Variants in L3HYPDH observed in about 807,000 individuals in gnomAD.
L3HYPDH encodes trans-L-3-hydroxyproline dehydratase.
A neutral mutation model predicts 26.5 loss-of-function variants in L3HYPDH; 32 were observed. The ratio of observed to expected loss-of-function variants is 1.21; its 90% CI spans 0.91 to 1.62. The LOEUF (loss-of-function observed/expected upper bound fraction) is 1.62. L3HYPDH is among the 40% of genes most tolerant of loss of function. The pLI, the probability that L3HYPDH is intolerant of heterozygous loss-of-function variation, is 0.00. For synonymous variants in L3HYPDH, 215 were observed against 196.6 expected (o/e 1.09, Z -0.78); for missense variants, 554 against 476.4 (o/e 1.16, Z -1.52).
At position 59,484,072 on chromosome 14, in the gene L3HYPDH, G is replaced by T; in HGVS notation, c.245C>A (p.Pro82Gln). ...HRDMYGAVLV[P>Q]SELPDAHLGV... ...CAGATGCGCGTCCGGCAGCTCGCTC[G>T]GGACTAGGACCGCCCCGTACATGTC... is the stretch of plus-strand genomic sequence containing the variant. The change falls in exon 1 of 5, where the codon CCG (proline) becomes CAG (glutamine). Residue 82 changes from proline to glutamine, a missense_variant. Physicochemically the swap from Pro to Gln is moderately conservative, Grantham distance 76 (BLOSUM62 -1). Transcript: ENST00000247194. 2 of 1,607,044 alleles carry T rather than the reference G, an allele frequency of 1.2e-6. No individual in the cohort carries two copies.
chr14:59,503,845 A>C, the L3HYPDH span: 19 of 1,582,654 alleles, frequency 1.2e-5, no homozygotes, highest in African/African-American at 2.4e-4. Flanking sequence ...CTTTTACAAA[A>C]TTATATAGAA....
chr14:59,487,916 C>A, upstream of L3HYPDH: 1 of 1,237,118 alleles, frequency 8.1e-7, no homozygotes, highest in Non-Finnish European at 1.2e-6. Flanking sequence ...TATGCTTCTT[C>A]TGTTTTAAAA....
the L3HYPDH span, chr14:59,501,093 G>T: frequency 1.3e-6 from 1 of 759,444 alleles, no homozygotes. Flanking sequence ...GGTTGAGAAA[G>T]GATTTGACTC....
intron 1 of L3HYPDH, among the ~76,000 whole-genome samples, chr14:59,466,873 C>T (rs1889197939): frequency 6.6e-6 from 1 of 152,158 alleles, no homozygotes; most frequent in Admixed American, 6.5e-5. Context: ...CCAGTAGCAC[C>T]TCTCCCAGCT....
At chr14:59,490,711 A>C in the L3HYPDH span, among the ~76,000 whole-genome samples, 1 of 152,252 alleles carries the variant, frequency 6.6e-6, no homozygotes, top group Non-Finnish European at 1.5e-5. Flanking sequence ...TACTTTAAAA[A>C]TAGCAGCTTT....
In L3HYPDH at chr14:59,475,973, C is replaced by G; in HGVS notation, c.835G>C (p.Ala279Pro). 1 of 1,613,968 alleles carries G rather than the reference C, an allele frequency of 6.2e-7. No homozygotes were observed. Among genetic ancestry groups the G allele is most frequent in the Non-Finnish European group, 8.5e-7 (1 of 1,179,890 alleles). The change falls in exon 4 of 5, where the codon GCC becomes CCC. Residue 279 changes from alanine to proline, a missense_variant. By Grantham distance (27) the Ala-to-Pro change is conservative. Transcript: ENST00000247194. ...TTGTGATACTGTAAGGCAATTCGGG[C>G]TGTCACTCCTGAGCCAGTGGGACTT... ...DRSPTGSGVT[A>P]RIALQYHKGL... is the part of the protein sequence containing the mutation.
downstream of L3HYPDH, chr14:59,472,569 CAAA>C (rs763750723): frequency 1.3e-4 from 21 of 156,798 alleles, 2 homozygotes; most frequent in Admixed American, 8.5e-4. Context: ...TTATTCTACT[CAAA>C]AAAATGGAAG....
In L3HYPDH at chr14:59,476,080, C is replaced by T; in HGVS notation, c.801+12G>A. 1 of 1,613,726 alleles carries T rather than the reference C, an allele frequency of 6.2e-7. No homozygotes were observed. Among genetic ancestry groups the T allele is most frequent in the Non-Finnish European group, 8.5e-7 (1 of 1,179,838 alleles). On this transcript the variant is annotated intron_variant, in intron 3 of 4. Coordinates refer to ENST00000247194, the MANE Select transcript of L3HYPDH (RefSeq NM_144581.2). ...ACCTGGCTTTTGTCCCTAAACATTA[C>T]AGTTTTAATACCTGTTCATCTGCAA...
rs754910727 is a variant in L3HYPDH at position 59,484,133 on chromosome 14, G to A, written c.184C>T (p.Arg62Trp). ...RYMRQHLDHV[R>W]RRLMFEPRGH... is the part of the protein sequence containing the mutation. ...CGGGGCTCGAACATGAGCCGTCGCC[G>A]CACGTGGTCAAGGTGCTGGCGCATG... is the stretch of plus-strand genomic sequence containing the variant. Residue 62 changes from arginine (R) to tryptophan (W), a missense_variant, in exon 1 of 5, where the codon CGG becomes TGG. Transcript: ENST00000247194. The A allele has an allele frequency of 1.4e-5, 22 of 1,601,960 alleles. No individual in the cohort carries two copies. Among genetic ancestry groups the A allele is most frequent in the Non-Finnish European group, 1.8e-5 (21 of 1,178,914 alleles).
At chr14:59,495,303 GA>G in the L3HYPDH span, 1 of 1,097,796 alleles carries the variant, frequency 9.1e-7, no homozygotes, top group African/African-American at 1.6e-5. Flanking sequence ...GGCGTTTGGA[GA>G]CAAAAACAGG....
chr14:59,498,814 G>T, the L3HYPDH span: 1 of 1,611,572 alleles, frequency 6.2e-7, no homozygotes, highest in East Asian at 2.2e-5. Context: ...TTGCATGTGG[G>T]TTAGGGAAAT....
At chr14:59,504,277 G>T in the L3HYPDH span, 1 of 549,444 alleles carries the variant, frequency 1.8e-6, no homozygotes, top group South Asian at 2.5e-5. Context: ...GTTACACAGG[G>T]TAATATTATC....
upstream of L3HYPDH, chr14:59,484,663 G>C (rs1890370225): frequency 6.5e-7 from 1 of 1,535,250 alleles, no homozygotes; most frequent in South Asian, 1.2e-5. Flanking sequence ...GGCTGGCCTC[G>C]GGCTCGGCTC....
At chr14:59,471,185 G>C (rs1002817873), downstream of L3HYPDH, among the ~76,000 whole-genome samples, 3 of 152,182 alleles carry the variant, frequency 2.0e-5, no homozygotes, top group Non-Finnish European at 2.9e-5. Flanking sequence ...GAACACTATT[G>C]CAAGAGTTCA....
chr14:59,483,923 G>C lies in L3HYPDH; in HGVS notation c.394C>G (p.Arg132Gly). 1.9e-6 allele frequency: 3 copies of C among 1,554,396 alleles called. No homozygotes were observed. Among genetic ancestry groups the C allele is most frequent in the Non-Finnish European group, 2.6e-6 (3 of 1,155,670 alleles). Residue 132 changes from arginine (R) to glycine (G), a missense_variant, in exon 1 of 5, where the codon CGC becomes GGC. Transcript: ENST00000247194. ...PAPPAGTREA[R>G]VNIHCPCGLV... ...CCGCAGGGGCAGTGGATATTGACGCGGGCCTCGCGGGTGCCCGCAGGGGGC... is the reference window on the plus strand; with the variant it reads ...CCGCAGGGGCAGTGGATATTGACGCCGGCCTCGCGGGTGCCCGCAGGGGGC...
At chr14:59,486,815 T>C (rs373841828), upstream of L3HYPDH, 22 of 1,444,382 alleles carry the variant, frequency 1.5e-5, no homozygotes, top group Admixed American at 2.1e-5. Context: ...GTAAGTCTTA[T>C]GTTTGTATCT....
upstream of L3HYPDH, chr14:59,484,493 G>T: frequency 6.7e-7 from 1 of 1,484,000 alleles, no homozygotes; most frequent in South Asian, 1.2e-5. Context: ...CGGGTTACCG[G>T]GAGGCGGAGC....
the L3HYPDH span, among the ~76,000 whole-genome samples, chr14:59,501,698 A>G: frequency 1.3e-5 from 2 of 152,176 alleles, no homozygotes; most frequent in African/African-American, 4.8e-5. Flanking sequence ...GTGTTTTATC[A>G]CAAATTTTAT....
At chr14:59,474,488 G>C (rs760547164) in intron 4 of L3HYPDH, 6 of 699,298 alleles carry the variant, frequency 8.6e-6, no homozygotes, top group Middle Eastern at 2.3e-4. Context: ...TCTCTATTTG[G>C]GGGGACATTG....
Sources: gnomAD v4.1 joint callset for allele counts (sites outside exome capture counted in the v4.1 genomes callset) on GRCh38, gnomAD v4.1.1 for gene constraint, MANE v1.5 for transcripts, NCBI Gene and HGNC (gene_info 2026-07-23, HGNC 2026-07-21) for gene names.